METAP1: variants seen among roughly 807,000 people sequenced by gnomAD.
METAP1 encodes methionine aminopeptidase 1.
METAP1 carries 28 observed loss-of-function variants against 53.8 expected under a neutral mutation model. The ratio of observed to expected loss-of-function variants is 0.52; its 90% CI spans 0.39 to 0.71. The LOEUF (loss-of-function observed/expected upper bound fraction) is 0.71, where lower values mean the gene tolerates loss of function less well. Among genes scored for constraint, METAP1 ranks in the 30% least tolerant of loss-of-function variants. The pLI, the probability that METAP1 is intolerant of heterozygous loss-of-function variation, is 0.00. For missense variants in METAP1, 389 were observed against 479.8 expected, an observed-to-expected ratio of 0.81 and a Z score of 1.77; for synonymous variants, 181 against 165.7, an observed-to-expected ratio of 1.09 and a Z score of -0.71.
intron 9 of METAP1, among the ~76,000 whole-genome samples, chr4:99,055,384 C>T (rs1727029297): frequency 1.1e-5 from 1 of 93,134 alleles, no homozygotes; most frequent in Non-Finnish European, 2.0e-5. Context: ...GAGCAAGAGT[C>T]CATCTCAAAA....
At chr4:98,999,534 C>T (rs1156899892) in intron 1 of METAP1, among the ~76,000 whole-genome samples, 3 of 133,908 alleles carry the variant, frequency 2.2e-5, no homozygotes. Context: ...TTTTTGAGAC[C>T]GAGTCTTGCT....
intron 9 of METAP1, among the ~76,000 whole-genome samples, chr4:99,049,532 C>T (rs1457973490): frequency 2.6e-5 from 4 of 152,034 alleles, no homozygotes; most frequent in East Asian, 3.9e-4. Flanking sequence ...GGTTGAGTGC[C>T]GTGTGATACA....
rs201861968 is a variant in METAP1, at chr4:99,045,197, G to T, written c.674G>T (p.Arg225Leu). ...DIVNVDITLY[R>L]NGYHGDLNET... Reference sequence around the variant, plus strand: ...CTTGCAGTGGATATCACTCTTTATCGCAATGGTTATCATGGGGACCTGAAT... The same window carrying T: ...CTTGCAGTGGATATCACTCTTTATCTCAATGGTTATCATGGGGACCTGAAT... The change falls in exon 8 of 11, where the codon CGC (arginine) becomes CTC (leucine). Residue 225 changes from arginine to leucine, a missense_variant. Coordinates refer to ENST00000296411, the MANE Select transcript of METAP1 (RefSeq NM_015143.3). 1.4e-4 allele frequency: 224 copies of T among 1,613,144 alleles called. 3 individuals are homozygous for T. In the South Asian group the frequency reaches 2.4e-3, roughly 17 times the overall value.
chr4:99,041,480 T>G (rs1725863961), intron 6 of METAP1, among the ~76,000 whole-genome samples: 2 of 152,074 alleles, frequency 1.3e-5, no homozygotes, highest in African/African-American at 2.4e-5. Context: ...GAATATGACT[T>G]CTGATGGTAG....
At chr4:99,013,509 C>A (rs1053426488) in intron 1 of METAP1, among the ~76,000 whole-genome samples, 4 of 152,142 alleles carry the variant, frequency 2.6e-5, no homozygotes, top group African/African-American at 4.8e-5. Flanking sequence ...TACTTTCTGC[C>A]AAAAGGGTGC....
At chr4:99,017,568 C>T (rs1228277645) in intron 1 of METAP1, among the ~76,000 whole-genome samples, 3 of 152,234 alleles carry the variant, frequency 2.0e-5, no homozygotes. Flanking sequence ...TACAAATGTT[C>T]TGTTTGCAGC....
At chr4:99,026,203 G>A in intron 1 of METAP1, 1 of 984,372 alleles carries the variant, frequency 1.0e-6, no homozygotes, top group Non-Finnish European at 1.2e-6. Context: ...GGGTTCATAA[G>A]CTCCTAAATT....
rs1033509420 is a variant in METAP1, at chr4:99,048,792, A to G, written c.847A>G (p.Asn283Asp). Residue 283 changes from asparagine (N) to aspartate (D), a missense_variant, in exon 9 of 11, where the codon AAT becomes GAT. Coordinates refer to ENST00000296411, the MANE Select transcript of METAP1 (RefSeq NM_015143.3). Reference protein sequence around the residue: ...GNIIQKHAQANGFSVVRSYCG... With the variant: ...GNIIQKHAQADGFSVVRSYCG... ...CATTATCCAGAAGCATGCCCAAGCA[A>G]ATGGGTTTTCAGTTGTTCGAAGCTA... The G allele has an allele frequency of 1.7e-5, 28 of 1,613,868 alleles. No individual in the cohort carries two copies. The highest frequency in any genetic ancestry group is 2.7e-5 in the African/African-American group (2 of 74,912).
At chr4:99,047,633 G>A (rs1297688075) in intron 8 of METAP1, among the ~76,000 whole-genome samples, 1 of 152,164 alleles carries the variant, frequency 6.6e-6, no homozygotes, top group Non-Finnish European at 1.5e-5. Flanking sequence ...ACCCTGAAAT[G>A]GATGGGAAAG....
chr4:99,021,825 G>C (rs923011917), intron 1 of METAP1, among the ~76,000 whole-genome samples: 3 of 152,214 alleles, frequency 2.0e-5, no homozygotes, highest in Admixed American at 1.3e-4. Context: ...TGAGAGGTCA[G>C]AGGGGTTCCC....
chr4:99,023,113 C>G, intron 1 of METAP1: 2 of 1,020,750 alleles, frequency 2.0e-6, no homozygotes, highest in South Asian at 3.0e-5. Flanking sequence ...GCGGCCTTCT[C>G]CGATTCCTCT....
At chr4:99,034,686 C>G (rs573391809) in intron 3 of METAP1, among the ~76,000 whole-genome samples, 1,533 of 152,244 alleles carry the variant, frequency 0.01, 26 homozygotes, top group African/African-American at 0.035. Context: ...CATATAGTTA[C>G]GAAAATCCAC....
At chr4:99,034,585 A>G (rs1725291677) in intron 3 of METAP1, among the ~76,000 whole-genome samples, 1 of 152,166 alleles carries the variant, frequency 6.6e-6, no homozygotes, top group South Asian at 2.1e-4. Context: ...AGGGTAAGGT[A>G]GAATAGATAT....
intron 1 of METAP1, chr4:99,025,580 C>A: frequency 1.5e-6 from 1 of 686,958 alleles, no homozygotes. Context: ...CTGAGAACCA[C>A]ACTATCCCAT....
chr4:99,022,676 C>T, intron 1 of METAP1: 2 of 1,287,040 alleles, frequency 1.6e-6, no homozygotes, highest in African/African-American at 2.9e-5. Flanking sequence ...GTGGTGGGAC[C>T]AGGTGAAATG....
chr4:99,019,257 A>C (rs1723948190), intron 1 of METAP1, among the ~76,000 whole-genome samples: 1 of 152,158 alleles, frequency 6.6e-6, no homozygotes, highest in African/African-American at 2.4e-5. Flanking sequence ...TCAATGAGGA[A>C]TGTTATTAGT....
chr4:99,039,965 G>C (rs1477012555), intron 5 of METAP1, among the ~76,000 whole-genome samples: 1 of 152,120 alleles, frequency 6.6e-6, no homozygotes, highest in African/African-American at 2.4e-5. Flanking sequence ...GACGTAAGGT[G>C]ATCTGCCCGC....
At chr4:99,008,060 A>T (rs1275618886) in intron 1 of METAP1, among the ~76,000 whole-genome samples, 1 of 152,260 alleles carries the variant, frequency 6.6e-6, no homozygotes, top group Non-Finnish European at 1.5e-5. Context: ...AACAGTTTTT[A>T]AAAGCAGCAC....
At chr4:99,033,931 A>G (rs757611521) in intron 2 of METAP1, among the ~76,000 whole-genome samples, 13 of 152,200 alleles carry the variant, frequency 8.5e-5, no homozygotes, top group Non-Finnish European at 1.8e-4. Flanking sequence ...AAAGCTGTCT[A>G]TGACCTGTTC....
Sources: allele counts gnomAD v4.1 joint callset (sites outside exome capture counted in the v4.1 genomes callset), GRCh38; gene constraint gnomAD v4.1.1; transcripts MANE v1.5; gene names NCBI Gene and HGNC (gene_info 2026-07-23, HGNC 2026-07-21).